VAV2: variants seen among roughly 807,000 people sequenced by gnomAD.
VAV2 encodes the protein vav guanine nucleotide exchange factor 2.
A neutral mutation model predicts 132.5 loss-of-function variants in VAV2; 67 were observed. The observed-to-expected ratio is 0.51, with a 90% CI of 0.42 to 0.62. The LOEUF is 0.62. Among genes scored for constraint, VAV2 ranks in the 20% least tolerant of loss-of-function variants. The pLI, the probability that VAV2 is intolerant of heterozygous loss-of-function variation, is 0.00. For missense variants in VAV2, 938 were observed against 1,153.6 expected (o/e 0.81, Z 2.71); for synonymous variants, 492 against 443.5 (o/e 1.11, Z -1.37).
At chr9:133,987,007 A>G (rs1040381119) in intron 1 of VAV2, among the ~76,000 whole-genome samples, 1 of 148,860 alleles carries the variant, frequency 6.7e-6, no homozygotes, top group Non-Finnish European at 1.5e-5. Context: ...TATTATATTT[A>G]TTTATTTTAT....
intron 4 of VAV2, among the ~76,000 whole-genome samples, chr9:133,830,759 C>G (rs1181587737): frequency 6.6e-6 from 1 of 152,170 alleles, no homozygotes; most frequent in Non-Finnish European, 1.5e-5. Flanking sequence ...ATGGCATGCG[C>G]TTGTGTCTTG....
chr9:133,939,403 G>A (rs887363302), intron 1 of VAV2, 184 bp from the exon 2 acceptor site: 2 of 633,650 alleles, frequency 3.2e-6, no homozygotes, highest in African/African-American at 3.6e-5. Flanking sequence ...CCAAGGCTGG[G>A]GGGTGAGAAG....
chr9:133,978,714 C>T (rs1338264550), intron 1 of VAV2, among the ~76,000 whole-genome samples: 2 of 152,264 alleles, frequency 1.3e-5, no homozygotes, highest in African/African-American at 2.4e-5. Flanking sequence ...AGCTGCCAGG[C>T]AGCAGGAGAC....
In VAV2 at chr9:133,884,328, G is replaced by GAC. The variant is rs1349996029; in HGVS notation, c.322-22898_322-22897dup. ...CACCACGCGTCCTGCCTCCCAGCTGGACCCCAGGCTCCTCCAAAGTACAAC... is the reference window on the plus strand; with the variant it reads ...CACCACGCGTCCTGCCTCCCAGCTGGACACCCCAGGCTCCTCCAAAGTACAAC... On this transcript the variant is annotated intron_variant, in intron 2 of 29. Coordinates refer to ENST00000371850, the MANE Select transcript of VAV2 (RefSeq NM_001134398.2). This position sits in a 1 kb window ranked among gnomAD's most constrained non-coding sequence, Gnocchi z 5.3. Among the ~76,000 whole-genome samples the GAC allele has an allele frequency of 1.8e-4, 27 of 152,136 alleles. No individual in the cohort carries two copies. Among genetic ancestry groups the GAC allele is most frequent in the Admixed American group, 1.8e-3 (27 of 15,276 alleles).
At chr9:133,967,006 G>A (rs1842162037) in intron 1 of VAV2, among the ~76,000 whole-genome samples, 1 of 138,220 alleles carries the variant, frequency 7.2e-6, no homozygotes, top group Non-Finnish European at 1.5e-5. Flanking sequence ...CTGCACTCCA[G>A]CCTAGGTGAC....
At chr9:133,795,625 A>C (rs2131633803) in intron 12 of VAV2, 43 bp downstream of exon 12, 1 of 1,610,982 alleles carries the variant, frequency 6.2e-7, no homozygotes, top group Middle Eastern at 1.7e-4. Context: ...ACACGGGCTA[A>C]GCCAGACGGT....
At chr9:133,888,778 T>C (rs1053833339) in intron 2 of VAV2, among the ~76,000 whole-genome samples, 1 of 152,212 alleles carries the variant, frequency 6.6e-6, no homozygotes, top group Non-Finnish European at 1.5e-5. Context: ...AGCGGCTGGC[T>C]GCAAGATACT....
At chr9:133,853,245 C>A (rs1269944614) in intron 3 of VAV2, among the ~76,000 whole-genome samples, 2 of 152,310 alleles carry the variant, frequency 1.3e-5, no homozygotes, top group East Asian at 3.9e-4. Flanking sequence ...GCAGATGTGG[C>A]CTCCCTCTAC....
At chr9:133,787,218 TG>T in intron 16 of VAV2, 27 bp downstream of exon 16, 2 of 1,560,904 alleles carry the variant, frequency 1.3e-6, no homozygotes, top group South Asian at 2.4e-5. Flanking sequence ...TTGAGGCAGG[TG>T]GGAGGACCTG....
chr9:133,935,555 C>T lies in VAV2; in HGVS notation c.321+3548G>A, dbSNP rs1191157427. On this transcript the variant is annotated intron_variant, in intron 2 of 29. Transcript: ENST00000371850. The surrounding 1 kb of genome is among the most constrained non-coding windows in gnomAD (Gnocchi z 5.2). The stretch of plus-strand genomic sequence containing the variant: ...CCAGGAGTCTGAGCACCTGGGCAGA[C>T]CAGGCCGCAGGGAGGAGCTGGGCTT... Among the ~76,000 whole-genome samples the T allele has an allele frequency of 6.6e-6, 1 of 152,218 alleles. No individual in the cohort carries two copies. Among genetic ancestry groups the T allele is most frequent in the African/African-American group, 2.4e-5 (1 of 41,454 alleles).
chr9:133,811,999 C>T, intron 5 of VAV2, 115 bp downstream of exon 5: 1 of 1,045,474 alleles, frequency 9.6e-7, no homozygotes, highest in Non-Finnish European at 1.4e-6. Context: ...GCACCCAGAG[C>T]AGCTCCCCTT....
At chr9:133,810,617 C>T (rs7042276) in intron 5 of VAV2, among the ~76,000 whole-genome samples, 7,711 of 152,262 alleles carry the variant, frequency 0.051, 338 homozygotes, top group African/African-American at 0.12. Context: ...TCGAGACCAG[C>T]GGGACCAGCG....
rs750677732 is a variant in VAV2, at chr9:133,985,573, C to T, written c.204+6502G>A. Among the ~76,000 whole-genome samples, 4 of 152,174 alleles carry T rather than the reference C, an allele frequency of 2.6e-5. No individual in the cohort carries two copies. The South Asian group carries it at 6.2e-4, about 24-fold the overall frequency. ...CTGGGACTGCAGGCATGAGCCATCG[C>T]GCCCGGCCCTGATCTTGCCTTCTAA... On this transcript the variant is annotated intron_variant, in intron 1 of 29. Coordinates refer to ENST00000371850, the MANE Select transcript of VAV2 (RefSeq NM_001134398.2).
At position 133,804,338 on chromosome 9, in the gene VAV2, G is replaced by A. The variant is rs1012833980; in HGVS notation, c.836+1743C>T. Among the ~76,000 whole-genome samples, 4 of 152,186 alleles carry A rather than the reference G, an allele frequency of 2.6e-5. No individual in the cohort carries two copies. The highest frequency in any genetic ancestry group is 4.8e-5 in the African/African-American group (2 of 41,426). ...CGCCACACGCCTCGCTGCCAGGGAC[G>A]GAGCTGCCCGTCCACAGAGCTCTTG... On this transcript the variant is annotated intron_variant, in intron 9 of 29. Coordinates refer to ENST00000371850, the MANE Select transcript of VAV2 (RefSeq NM_001134398.2). The surrounding 1 kb of genome is among the most constrained non-coding windows in gnomAD (Gnocchi z 4.5).
intron 3 of VAV2, among the ~76,000 whole-genome samples, chr9:133,850,014 G>C (rs1458008431): frequency 6.6e-6 from 1 of 152,186 alleles, no homozygotes; most frequent in African/African-American, 2.4e-5. Flanking sequence ...GGCTTGTCTG[G>C]GATCTAGATG....
rs993467991 is a variant in VAV2 at position 133,768,997 on chromosome 9, G to A, written c.2435-401C>T. The stretch of plus-strand genomic sequence containing the variant: ...CGAAACACACACAGCTGCTGGGAAG[G>A]GACTTTGACTCTGGCAGCCGAAAGC... On this transcript the variant is annotated intron_variant, in intron 28 of 29. Coordinates refer to ENST00000371850, the MANE Select transcript of VAV2 (RefSeq NM_001134398.2). This position sits in a 1 kb window ranked among gnomAD's most constrained non-coding sequence, Gnocchi z 5.3. Among the ~76,000 whole-genome samples the A allele has an allele frequency of 1.3e-5, 2 of 152,182 alleles. No individual in the cohort carries two copies. The highest frequency in any genetic ancestry group is 2.9e-5 in the Non-Finnish European group (2 of 68,036).
chr9:133,910,685 G>C (rs564005976), intron 2 of VAV2, among the ~76,000 whole-genome samples: 2 of 151,688 alleles, frequency 1.3e-5, no homozygotes, highest in Non-Finnish European at 2.9e-5. Context: ...TTAGCCGAGC[G>C]TGGTGGCGGG....
At chr9:133,904,663 G>A (rs1462239127) in intron 2 of VAV2, among the ~76,000 whole-genome samples, 16 of 152,234 alleles carry the variant, frequency 1.1e-4, no homozygotes, top group Admixed American at 9.2e-4. Context: ...CACAGCAACC[G>A]GCCACGGGGC....
At chr9:133,796,892 C>T (rs1283496442) in intron 10 of VAV2, among the ~76,000 whole-genome samples, 1 of 152,248 alleles carries the variant, frequency 6.6e-6, no homozygotes, top group African/African-American at 2.4e-5. Flanking sequence ...GGCCATCCCC[C>T]ATTCACCAAC....
Sources: allele counts gnomAD v4.1 joint callset (sites outside exome capture counted in the v4.1 genomes callset), GRCh38; gene constraint gnomAD v4.1.1; non-coding constraint Gnocchi (gnomAD v3.1); transcripts MANE v1.5; gene names NCBI Gene and HGNC (gene_info 2026-07-23, HGNC 2026-07-21).